Variants in CHD6 observed in about 807,000 individuals in gnomAD.
The protein encoded by CHD6 is ATP-dependent chromatin remodeler CHD6.
Under a neutral mutation model 276.9 loss-of-function variants are expected in CHD6, and 50 were observed. The observed-to-expected ratio is 0.18, with a 90% CI of 0.14 to 0.23. The LOEUF is 0.23. Ranked by LOEUF, CHD6 falls within the 10% of genes least tolerant of loss-of-function variation. The probability of loss-of-function intolerance (pLI) is 1.00; values close to 1 mark genes in which losing one functional copy is unlikely to be tolerated. For missense variants in CHD6, 2,564 were observed against 3,365.8 expected, an observed-to-expected ratio of 0.76 and a Z score of 5.89; for synonymous variants, 1,173 against 1,229.3, an observed-to-expected ratio of 0.95 and a Z score of 0.96.
chr20:41,445,844 C>A (rs1031695708), intron 24 of CHD6, 76 bp from the exon 25 acceptor site: 6 of 836,884 alleles, frequency 7.2e-6, no homozygotes, highest in Non-Finnish European at 1.2e-5. Flanking sequence ...CACAGTCCTA[C>A]TGGCATGCTG....
At chr20:41,491,033 G>GGTGAGTGA (rs199582160) in intron 11 of CHD6, among the ~76,000 whole-genome samples, 5 of 151,872 alleles carry the variant, frequency 3.3e-5, no homozygotes, top group African/African-American at 1.2e-4. Context: ...AGTTGCTCTG[G>GGTGAGTGA]GTGAGTGAGT....
At chr20:41,570,950 C>A (rs1568709383) in intron 1 of CHD6, among the ~76,000 whole-genome samples, 1 of 152,180 alleles carries the variant, frequency 6.6e-6, no homozygotes, top group African/African-American at 2.4e-5. Flanking sequence ...CTTCTGCTCT[C>A]AGAGTTACCT....
rs570357924 is a variant in CHD6, at chr20:41,404,638, C to T, written c.8103G>A (p.Gln2701=). ...AGTCTTTGAGTGCCCCCTCCCCAGC[C>T]TGTGCCCCATGTTCTCTCTCTGCGG... ...PLPAEREHGA[Q]AGEGALKDSN... Residue 2701 remains glutamine (Q), a synonymous_variant, in exon 37 of 37, where the codon CAG becomes CAA. Coordinates refer to ENST00000373233, the MANE Select transcript of CHD6 (RefSeq NM_032221.5). The T allele has an allele frequency of 6.6e-7, 1 of 1,515,112 alleles. No individual in the cohort carries two copies. Among genetic ancestry groups the T allele is most frequent in the African/African-American group, 1.4e-5 (1 of 71,820 alleles). 93.9% of individuals were successfully genotyped at this position (1,515,112 alleles called of 1,614,324 possible).
chr20:41,448,020 T>C (rs762682781), intron 23 of CHD6, 49 bp from the exon 24 acceptor site: 2 of 1,075,596 alleles, frequency 1.9e-6, no homozygotes, highest in South Asian at 3.1e-5. Flanking sequence ...CCCATAACTG[T>C]CTGTGAACCA....
At chr20:41,596,259 A>G (rs772322733) in intron 1 of CHD6, among the ~76,000 whole-genome samples, 29 of 152,144 alleles carry the variant, frequency 1.9e-4, no homozygotes, top group Non-Finnish European at 4.0e-4. Context: ...TTCCCTTAAG[A>G]GAAGTGCCAC....
chr20:41,491,299 C>CAT (rs145303299), intron 11 of CHD6, among the ~76,000 whole-genome samples: 13,615 of 143,760 alleles, frequency 0.095, 837 homozygotes, highest in Non-Finnish European at 0.13. Context: ...TGTATATTCC[C>CAT]ATATATATAT....
At chr20:41,581,894 G>A (rs1053712167) in intron 1 of CHD6, among the ~76,000 whole-genome samples, 2 of 152,186 alleles carry the variant, frequency 1.3e-5, no homozygotes, top group Admixed American at 6.5e-5. Context: ...TATTGTCAAG[G>A]TAGGGACACA....
At position 41,423,567 on chromosome 20, in the gene CHD6, T is replaced by C; in HGVS notation, c.4480A>G (p.Ser1494Gly). 2 of 1,614,224 alleles carry C rather than the reference T, an allele frequency of 1.2e-6. No individual in the cohort carries two copies. The highest frequency in any genetic ancestry group is 1.7e-6 in the Non-Finnish European group (2 of 1,180,034). Reference protein sequence around the residue: ...ISRLDKKSDESLEQYFYSFVA... With the variant: ...ISRLDKKSDEGLEQYFYSFVA... ...AAACTATAAAAATACTGTTCCAGGC[T>C]CTCATCCGACTTCTTGTCCAAACGG... Residue 1494 changes from serine (S) to glycine (G), a missense_variant, in exon 30 of 37, where the codon AGC (serine) becomes GGC (glycine). Transcript: ENST00000373233.
intron 27 of CHD6, among the ~76,000 whole-genome samples, chr20:41,431,881 G>A (rs6102414): frequency 0.054 from 8,114 of 149,970 alleles, 743 homozygotes; most frequent in African/African-American, 0.19. Flanking sequence ...AAAACCTTCC[G>A]GGCGCGGTGG....
At chr20:41,548,674 C>A (rs947971005) in intron 2 of CHD6, among the ~76,000 whole-genome samples, 1 of 152,020 alleles carries the variant, frequency 6.6e-6, no homozygotes, top group Non-Finnish European at 1.5e-5. Context: ...AGCTTCTGCA[C>A]AGCAAAAGAA....
chr20:41,560,052 C>T lies in CHD6; in HGVS notation c.-23-8692G>A, dbSNP rs79687038. On this transcript the variant is annotated intron_variant, in intron 1 of 36. Coordinates refer to ENST00000373233, the MANE Select transcript of CHD6 (RefSeq NM_032221.5). ...CCCTTGGTTCCTCTCCAGTCGACTC[C>T]GGTTTATTCCCATATATTTTTGTTG... is the stretch of plus-strand genomic sequence containing the variant. 4.5e-3 allele frequency among the ~76,000 whole-genome samples: 683 copies of T among 152,110 alleles called. 5 individuals are homozygous for T. The highest frequency in any genetic ancestry group is 0.016 in the African/African-American group (651 of 41,466).
intron 5 of CHD6, among the ~76,000 whole-genome samples, chr20:41,508,919 T>C (rs1438247154): frequency 6.6e-6 from 1 of 152,162 alleles, no homozygotes; most frequent in Non-Finnish European, 1.5e-5. Context: ...TCATACCAGT[T>C]TATATAATGA....
intron 14 of CHD6, among the ~76,000 whole-genome samples, chr20:41,486,554 G>A (rs971385353): frequency 3.3e-5 from 5 of 152,256 alleles, no homozygotes; most frequent in African/African-American, 1.2e-4. Context: ...CAGGGTGTAC[G>A]CTTGACATGT....
At chr20:41,549,187 T>G (rs1379878789) in intron 2 of CHD6, among the ~76,000 whole-genome samples, 1 of 151,954 alleles carries the variant, frequency 6.6e-6, no homozygotes, top group Non-Finnish European at 1.5e-5. Context: ...TAAAGACACA[T>G]GCACACGTAT....
intron 31 of CHD6, 67 bp from the exon 32 acceptor site, chr20:41,417,416 A>T: frequency 7.3e-7 from 1 of 1,371,388 alleles, no homozygotes; most frequent in South Asian, 1.4e-5. Context: ...GATCTGAGAG[A>T]TTAGGATATC....
At chr20:41,593,648 A>G (rs748820942) in intron 1 of CHD6, among the ~76,000 whole-genome samples, 1 of 152,204 alleles carries the variant, frequency 6.6e-6, no homozygotes, top group Non-Finnish European at 1.5e-5. Context: ...CTGAAGCCCT[A>G]AACTCTATTT....
intron 29 of CHD6, among the ~76,000 whole-genome samples, chr20:41,424,730 C>G (rs901383705): frequency 2.0e-5 from 3 of 152,292 alleles, no homozygotes; most frequent in Admixed American, 6.5e-5. Context: ...CAAGTCACTG[C>G]TGGTAATTTA....
intron 5 of CHD6, among the ~76,000 whole-genome samples, chr20:41,502,116 T>C (rs1327963321): frequency 9.2e-5 from 14 of 152,218 alleles, no homozygotes; most frequent in Non-Finnish European, 1.8e-4. Context: ...TGAACAGAAA[T>C]TCTATATAAT....
At chr20:41,558,497 T>A (rs1390149583) in intron 1 of CHD6, among the ~76,000 whole-genome samples, 1 of 152,192 alleles carries the variant, frequency 6.6e-6, no homozygotes, top group Non-Finnish European at 1.5e-5. Context: ...GTTTTAATGA[T>A]GTAAAAACAA....
Sources: gnomAD v4.1 joint callset for allele counts (sites outside exome capture counted in the v4.1 genomes callset) on GRCh38, gnomAD v4.1.1 for gene constraint, MANE v1.5 for transcripts, NCBI Gene and HGNC (gene_info 2026-07-23, HGNC 2026-07-21) for gene names.